NEDD4L: variants seen among roughly 807,000 people sequenced by gnomAD.
NEDD4L encodes the protein E3 ubiquitin-protein ligase NEDD4-like.
Under a neutral mutation model 148.9 loss-of-function variants are expected in NEDD4L, and 54 were observed. The observed-to-expected ratio is 0.36, with a 90% CI of 0.29 to 0.45. The LOEUF is 0.45. Ranked by LOEUF, NEDD4L falls within the 20% of genes least tolerant of loss-of-function variation. NEDD4L has a pLI of 1.00. For missense variants in NEDD4L, 856 were observed against 1,233.8 expected, an observed-to-expected ratio of 0.69 and a Z score of 4.59; for synonymous variants, 433 against 440.7, an observed-to-expected ratio of 0.98 and a Z score of 0.22.
rs192125487 is a variant in NEDD4L, at chr18:58,106,576, T to C, written c.49-59212T>C. ...GGCAAGCCACTTGCCTCCTGGTGCTTCTCTTTTGTCATCTGTTAAAGGGGT... is the reference window on the plus strand; with the variant it reads ...GGCAAGCCACTTGCCTCCTGGTGCTCCTCTTTTGTCATCTGTTAAAGGGGT... On this transcript the variant is annotated intron_variant, in intron 1 of 30. Coordinates refer to ENST00000400345, the MANE Select transcript of NEDD4L (RefSeq NM_001144967.3). Among the ~76,000 whole-genome samples, 568 of 152,252 alleles carry C rather than the reference T, an allele frequency of 3.7e-3. 4 individuals carry two copies. The highest frequency in any genetic ancestry group is 6.8e-3 in the Non-Finnish European group (462 of 68,014).
At chr18:58,340,071 G>T (rs72942838) in intron 13 of NEDD4L, among the ~76,000 whole-genome samples, 1 of 152,072 alleles carries the variant, frequency 6.6e-6, no homozygotes, top group East Asian at 1.9e-4. Flanking sequence ...AGCTGTGGTC[G>T]GCTTCTGGTT....
chr18:58,095,987 A>G (rs1274138024), intron 1 of NEDD4L, among the ~76,000 whole-genome samples: 1 of 151,974 alleles, frequency 6.6e-6, no homozygotes, highest in Non-Finnish European at 1.5e-5. Flanking sequence ...GGCCCAAGAC[A>G]ATTCTTCTTC....
chr18:58,202,425 TCAGGCCCTGCCCCAGA>T (rs1225326624), intron 2 of NEDD4L, among the ~76,000 whole-genome samples: 3 of 152,260 alleles, frequency 2.0e-5, no homozygotes, highest in African/African-American at 7.2e-5. Context: ...ATGTAAGATG[TCAGGCCCTGCCCCAGA>T]GGGGCTGAGA....
At chr18:58,080,692 G>A (rs537280985) in intron 1 of NEDD4L, among the ~76,000 whole-genome samples, 1 of 152,218 alleles carries the variant, frequency 6.6e-6, no homozygotes, top group Non-Finnish European at 1.5e-5. Flanking sequence ...AATAAGGAGC[G>A]AGAGGGTGGT....
chr18:58,334,155 C>T (rs1163785067), intron 12 of NEDD4L: 2 of 394,350 alleles, frequency 5.1e-6, no homozygotes, highest in Admixed American at 8.3e-5. Flanking sequence ...CTCACTTAAA[C>T]CTCTTGGTAC....
intron 3 of NEDD4L, among the ~76,000 whole-genome samples, chr18:58,245,940 C>T (rs1357484958): frequency 6.7e-6 from 1 of 150,320 alleles, no homozygotes; most frequent in Non-Finnish European, 1.5e-5. Flanking sequence ...TCAGGTGATC[C>T]ACCTGTCGTG....
chr18:58,291,832 A>G (rs925264397), intron 5 of NEDD4L, among the ~76,000 whole-genome samples: 1 of 152,010 alleles, frequency 6.6e-6, no homozygotes, highest in African/African-American at 2.4e-5. Context: ...AATGGCTAGT[A>G]TAAAGATGTA....
At chr18:58,198,554 C>T (rs1231689313) in intron 2 of NEDD4L, among the ~76,000 whole-genome samples, 1 of 152,142 alleles carries the variant, frequency 6.6e-6, no homozygotes, top group Non-Finnish European at 1.5e-5. Flanking sequence ...CTGGGGGACA[C>T]ACAGTGGTCA....
At chr18:58,045,001 C>T (rs1003905054) in intron 1 of NEDD4L, 7 of 416,982 alleles carry the variant, frequency 1.7e-5, no homozygotes, top group African/African-American at 1.2e-4. Context: ...ATGCGTGCCT[C>T]TCTTCCCTCT....
At chr18:58,071,703 G>A (rs2082880019) in intron 1 of NEDD4L, among the ~76,000 whole-genome samples, 1 of 152,244 alleles carries the variant, frequency 6.6e-6, no homozygotes. Flanking sequence ...ATTTATAAAG[G>A]AAAGAGGTTT....
intron 1 of NEDD4L, among the ~76,000 whole-genome samples, chr18:58,161,053 G>A (rs760595083): frequency 2.6e-5 from 4 of 151,396 alleles, no homozygotes; most frequent in Non-Finnish European, 5.9e-5. Context: ...GTCTCACTCT[G>A]TCGCCCAGGC....
chr18:58,230,856 C>G (rs17064502), intron 2 of NEDD4L, among the ~76,000 whole-genome samples: 11,900 of 152,180 alleles, frequency 0.078, 726 homozygotes, highest in East Asian at 0.36. Context: ...CCGTTTTGTA[C>G]AAGGTTGCAT....
chr18:58,151,546 A>G (rs2034741011), intron 1 of NEDD4L, among the ~76,000 whole-genome samples: 1 of 152,034 alleles, frequency 6.6e-6, no homozygotes, highest in Admixed American at 6.5e-5. Flanking sequence ...AGAGCCCAGA[A>G]CTAGTATAAA....
intron 2 of NEDD4L, among the ~76,000 whole-genome samples, chr18:58,225,440 G>A (rs921501332): frequency 2.6e-5 from 4 of 152,228 alleles, no homozygotes; most frequent in Non-Finnish European, 5.9e-5. Flanking sequence ...TCTGCCTGAT[G>A]CTGGGTTTTA....
chr18:58,255,886 C>A (rs1048672913), intron 5 of NEDD4L: 9 of 1,232,140 alleles, frequency 7.3e-6, no homozygotes, highest in Non-Finnish European at 9.1e-6. Flanking sequence ...CCAGCATCGA[C>A]GCCCGCCCCA....
Position 58,366,803 on chromosome 18 carries a change from C to T in NEDD4L, c.2063+575C>T, listed in dbSNP as rs540887944. ...TTCCTCCTTCAGACTCTGAATCCTC[C>T]AAGGGTTGGGCAGTACCCAAGCCCC... On this transcript the variant is annotated intron_variant, in intron 21 of 30. Coordinates refer to ENST00000400345, the MANE Select transcript of NEDD4L (RefSeq NM_001144967.3). The surrounding 1 kb of genome is among the most constrained non-coding windows in gnomAD (Gnocchi z 4.2). Among the ~76,000 whole-genome samples the T allele has an allele frequency of 1.1e-4, 16 of 152,196 alleles. No individual in the cohort carries two copies. Among genetic ancestry groups the T allele is most frequent in the Non-Finnish European group, 2.2e-4 (15 of 68,028 alleles).
intron 5 of NEDD4L, among the ~76,000 whole-genome samples, chr18:58,289,016 G>T (rs1372761176): frequency 6.6e-6 from 1 of 152,118 alleles, no homozygotes; most frequent in Non-Finnish European, 1.5e-5. Flanking sequence ...TTTATTCTGA[G>T]AATTTAAGTG....
intron 5 of NEDD4L, among the ~76,000 whole-genome samples, chr18:58,258,234 T>C (rs978215767): frequency 1.3e-5 from 2 of 152,216 alleles, no homozygotes; most frequent in Non-Finnish European, 1.5e-5. Flanking sequence ...ATTTTGACAG[T>C]GTTTTGATAT....
intron 5 of NEDD4L, among the ~76,000 whole-genome samples, chr18:58,257,736 G>A (rs945485356): frequency 1.3e-5 from 2 of 152,150 alleles, no homozygotes; most frequent in African/African-American, 2.4e-5. Context: ...TGCAGCTTTC[G>A]TGGTTTAGAG....
Sources: gnomAD v4.1 joint callset for allele counts (sites outside exome capture counted in the v4.1 genomes callset) on GRCh38, gnomAD v4.1.1 for gene constraint, Gnocchi (gnomAD v3.1) non-coding constraint, MANE v1.5 for transcripts, NCBI Gene and HGNC (gene_info 2026-07-23, HGNC 2026-07-21) for gene names.